Variants in TRIM29 observed in about 807,000 individuals in gnomAD.
TRIM29 encodes tripartite motif containing 29, also known as tripartite motif-containing protein 29.
TRIM29 carries 52 observed loss-of-function variants against 57.3 expected under a neutral mutation model. That is an observed-to-expected ratio of 0.91 (90% confidence interval 0.73 to 1.14). The LOEUF is 1.14. Ranked by LOEUF, TRIM29 falls within the 50% of genes most tolerant of loss-of-function variation. TRIM29 has a pLI of 0.00. For synonymous variants in TRIM29, 319 were observed against 316.9 expected (o/e 1.01, Z -0.07); for missense variants, 753 against 774.6 (o/e 0.97, Z 0.33).
Position 120,112,316 on chromosome 11 carries a change from T to C in TRIM29, c.*98A>G. ...GCAGAGGGCAGGTGCAGGACCAGGC[T>C]CCCTCCCACCCAGACAAGCACAGTA... is the stretch of plus-strand genomic sequence containing the variant. On this transcript the variant is annotated 3_prime_UTR_variant, in exon 9 of 9. Transcript: ENST00000341846. The C allele has an allele frequency of 6.8e-7, 1 of 1,473,572 alleles. No individual in the cohort carries two copies. 91.3% of individuals were successfully genotyped at this position (1,473,572 alleles called of 1,614,324 possible).
Position 120,120,593 on chromosome 11 carries a change from T to C in TRIM29, c.1508A>G (p.Asn503Ser), listed in dbSNP as rs765955674. The change falls in exon 6 of 9, where the codon AAC becomes AGC. Residue 503 changes from asparagine (N) to serine (S), a missense_variant. By Grantham distance (46) the Asn-to-Ser change is conservative. Transcript: ENST00000341846. ...FTKETTQKNFNNLYGTKGNYT... is the reference protein window; with the variant it reads ...FTKETTQKNFSNLYGTKGNYT... ...CCTACCTTTGGTGCCATAGAGATTG[T>C]TGAAATTCTTCTGGGTGGTCTCCTT... 6 of 1,613,564 alleles carry C rather than the reference T, an allele frequency of 3.7e-6. No homozygotes were observed. The Admixed American group carries it at 8.3e-5, about 22-fold the overall frequency.
Position 120,137,790 on chromosome 11 carries a change from T to A in TRIM29, c.242A>T (p.Gln81Leu). 6.2e-7 allele frequency: 1 copy of A among 1,612,416 alleles called. No homozygotes were observed. The part of the protein sequence containing the change: ...AGNEWRRPII[Q>L]FVESGDDKNS... Reference sequence around the variant, plus strand: ...CTTGTCGTCCCCGGACTCGACAAACTGGATGATGGGTCGCCGCCACTCATT... The same window carrying A: ...CTTGTCGTCCCCGGACTCGACAAACAGGATGATGGGTCGCCGCCACTCATT... The change falls in exon 1 of 9, where the codon CAG becomes CTG. Residue 81 changes from glutamine to leucine, a missense_variant. Transcript: ENST00000341846. The surrounding 1 kb of genome is among the most constrained non-coding windows in gnomAD (Gnocchi z 6.2).
chr11:120,128,955 G>T (rs537455702), intron 1 of TRIM29: 1 of 1,327,832 alleles, frequency 7.5e-7, no homozygotes, highest in African/African-American at 1.5e-5. Flanking sequence ...CATGACGTAG[G>T]GCTGTGTTGC....
intron 1 of TRIM29, among the ~76,000 whole-genome samples, chr11:120,130,425 A>T (rs1238871540): frequency 6.6e-6 from 1 of 152,158 alleles, no homozygotes; most frequent in Non-Finnish European, 1.5e-5. Flanking sequence ...AATCCCTCCC[A>T]CCATAGGCCA....
chr11:120,135,543 T>C (rs1341317505), intron 1 of TRIM29, among the ~76,000 whole-genome samples: 1 of 152,154 alleles, frequency 6.6e-6, no homozygotes, highest in African/African-American at 2.4e-5. Context: ...TTGTTCTGTC[T>C]AACCTCCCAA....
chr11:120,130,598 T>C (rs1863700491), intron 1 of TRIM29, among the ~76,000 whole-genome samples: 1 of 152,136 alleles, frequency 6.6e-6, no homozygotes, highest in Non-Finnish European at 1.5e-5. Context: ...GTCTGGTCCA[T>C]GGGAGCAGGA....
At chr11:120,123,867 A>C (rs993358769) in intron 4 of TRIM29, 1 of 254,318 alleles carries the variant, frequency 3.9e-6, no homozygotes, top group Non-Finnish European at 7.7e-6. Flanking sequence ...CCTAGGTGTT[A>C]GCCCAGCCCT....
chr11:120,118,227 C>T lies in TRIM29; in HGVS notation c.1623G>A (p.Leu541=), dbSNP rs561210520. The change falls in exon 7 of 9, where the codon CTG becomes CTA. Residue 541 remains leucine (L), a synonymous_variant. Transcript: ENST00000341846. The part of the protein sequence containing the change: ...PVVQGSSSFS[L]KGYPSLMRSQ... Reference sequence around the variant, plus strand: ...GGCCAGGGTGGGCAAGCTCACCTTTCAGGGAGAAGGAGGAGCTGCCTTGGA... The same window carrying T: ...GGCCAGGGTGGGCAAGCTCACCTTTTAGGGAGAAGGAGGAGCTGCCTTGGA... The T allele has an allele frequency of 8.1e-6, 13 of 1,613,802 alleles. No individual in the cohort carries two copies. Among genetic ancestry groups the T allele is most frequent in the Non-Finnish European group, 1.1e-5 (13 of 1,179,932 alleles).
intron 1 of TRIM29, among the ~76,000 whole-genome samples, chr11:120,134,215 G>A (rs781217621): frequency 3.9e-5 from 6 of 152,080 alleles, no homozygotes; most frequent in African/African-American, 1.2e-4. Flanking sequence ...TCATGTTGCC[G>A]CACCAAGCGA....
At chr11:120,129,569 A>T (rs543702053) in intron 1 of TRIM29, among the ~76,000 whole-genome samples, 22 of 152,300 alleles carry the variant, frequency 1.4e-4, no homozygotes, top group South Asian at 4.1e-4. Flanking sequence ...ACAAACCTCT[A>T]GGAATGGGAG....
At chr11:120,136,505 A>G (rs1334023483) in intron 1 of TRIM29, among the ~76,000 whole-genome samples, 2 of 152,196 alleles carry the variant, frequency 1.3e-5, no homozygotes, top group Non-Finnish European at 2.9e-5. Context: ...AACTTCCCCA[A>G]CGGTGTCCGC....
Position 120,128,529 on chromosome 11 carries a change from G to C in TRIM29, c.805-34C>G, listed in dbSNP as rs374694565. 3.8e-5 allele frequency: 60 copies of C among 1,597,630 alleles called. No individual in the cohort carries two copies. The African/African-American group carries it at 7.3e-4, about 20-fold the overall frequency. ...AAAGAGCCAGGATTGGAGAAGTCAGGGGGAGGAGATGGAAGAGAACCAGAG... is the reference window on the plus strand; with the variant it reads ...AAAGAGCCAGGATTGGAGAAGTCAGCGGGAGGAGATGGAAGAGAACCAGAG... On this transcript the variant is annotated intron_variant, in intron 1 of 8. Coordinates refer to ENST00000341846, the MANE Select transcript of TRIM29 (RefSeq NM_012101.4).
At chr11:120,126,642 T>C (rs1863597690) in intron 3 of TRIM29, among the ~76,000 whole-genome samples, 1 of 152,084 alleles carries the variant, frequency 6.6e-6, no homozygotes, top group Non-Finnish European at 1.5e-5. Context: ...CCCTCTCAAA[T>C]CCTAACCGGC....
rs1863238972 is a variant in TRIM29, at chr11:120,115,328, C to T, written c.1704+10G>A. The T allele has an allele frequency of 6.2e-7, 1 of 1,612,690 alleles. No individual in the cohort carries two copies. Among genetic ancestry groups the T allele is most frequent in the Middle Eastern group, 1.7e-4 (1 of 6,060 alleles). ...ATGTGCCCAGGCCCTCCCGGCAGCA[C>T]TTCCCTTACCAGCATAGTCTGCTTG... On this transcript the variant is annotated intron_variant, in intron 8 of 8. Transcript: ENST00000341846.
In TRIM29 at chr11:120,127,563, T is replaced by C. The variant is rs35292848; in HGVS notation, c.907A>G (p.Thr303Ala). 2.9e-3 allele frequency: 4,618 copies of C among 1,613,698 alleles called. 43 individuals carry two copies. The highest frequency in any genetic ancestry group is 1.9e-3 in the Non-Finnish European group (2,266 of 1,179,752). ...TCCAGGATGGCCTTCTCATTGGTGG[T>C]GAAGCTCTGGAGGTCCAGAGTCAGG... ...QKEKDRIKSF[T>A]TNEKAILEQN... The change falls in exon 3 of 9, where the codon ACC becomes GCC. Residue 303 changes from threonine (T) to alanine (A), a missense_variant. Thr to Ala is a moderately conservative substitution (Grantham distance 58). Coordinates refer to ENST00000341846, the MANE Select transcript of TRIM29 (RefSeq NM_012101.4).
Position 120,125,825 on chromosome 11 carries a change from A to C in TRIM29, c.1199T>G (p.Leu400Arg), listed in dbSNP as rs1172324235. The change falls in exon 4 of 9, where the codon CTG becomes CGG. Residue 400 changes from leucine (L) to arginine (R), a missense_variant. Leu to Arg is a moderately radical substitution (Grantham distance 102). Coordinates refer to ENST00000341846, the MANE Select transcript of TRIM29 (RefSeq NM_012101.4). ...PPPLPTYHVL[L>R]EGEGLGQSLG... is the part of the protein sequence containing the mutation. ...TGACTGTCCCAGGCCCTCCCCCTCC[A>C]GCAGGACATGATAGGTGGGCAGGGG... 2 of 1,614,026 alleles carry C rather than the reference A, an allele frequency of 1.2e-6. No homozygotes were observed. Among genetic ancestry groups the C allele is most frequent in the African/African-American group, 2.7e-5 (2 of 74,932 alleles).
At chr11:120,128,523 A>C in intron 1 of TRIM29, 28 bp from the exon 2 acceptor site, 1 of 1,600,248 alleles carries the variant, frequency 6.2e-7, no homozygotes, top group Non-Finnish European at 8.5e-7. Flanking sequence ...GGATTGGAGA[A>C]GTCAGGGGGA....
chr11:120,116,131 A>C (rs1267019142), intron 7 of TRIM29: 1 of 152,272 alleles, frequency 6.6e-6, no homozygotes, highest in Non-Finnish European at 1.5e-5. Flanking sequence ...GAGGTGCAGG[A>C]ATCTGTCATT....
intron 1 of TRIM29, among the ~76,000 whole-genome samples, chr11:120,134,879 G>C (rs1863787984): frequency 6.6e-6 from 1 of 152,290 alleles, no homozygotes; most frequent in East Asian, 1.9e-4. Flanking sequence ...GGACACTGAG[G>C]GGGTGGCTAA....
Sources: gnomAD v4.1 joint callset for allele counts (sites outside exome capture counted in the v4.1 genomes callset) on GRCh38, gnomAD v4.1.1 for gene constraint, Gnocchi (gnomAD v3.1) non-coding constraint, MANE v1.5 for transcripts, NCBI Gene and HGNC (gene_info 2026-07-23, HGNC 2026-07-21) for gene names.